Variants in CREB5 observed in about 807,000 individuals in gnomAD.
CREB5 encodes the protein cyclic AMP-responsive element-binding protein 5.
CREB5 carries 19 observed loss-of-function variants against 57.1 expected under a neutral mutation model. That is an observed-to-expected ratio of 0.33 (90% CI 0.23 to 0.49). CREB5 has a LOEUF of 0.49. CREB5 is among the 20% of genes least tolerant of loss of function. CREB5 has a pLI of 0.99. For missense variants in CREB5, 579 were observed against 671.6 expected, an observed-to-expected ratio of 0.86 and a Z score of 1.52; for synonymous variants, 238 against 238.3, an observed-to-expected ratio of 1.00 and a Z score of 0.01.
At chr7:28,580,216 G>T (rs1184639161) in intron 5 of CREB5, among the ~76,000 whole-genome samples, 1 of 152,104 alleles carries the variant, frequency 6.6e-6, no homozygotes, top group African/African-American at 2.4e-5. Flanking sequence ...AACATTGAAA[G>T]AATTAATTTA....
rs1305815715 is a variant in CREB5 at position 28,820,797 on chromosome 7, A to G, written c.*1518A>G. ...TTATTTTTACTTTTATTTTAAAATA[A>G]AAGATGAGGTCTGTCTTATGTTGCC... On this transcript the variant is annotated 3_prime_UTR_variant, in exon 11 of 11. Transcript: ENST00000357727. The G allele has an allele frequency of 6.6e-6, 1 of 152,118 alleles. No individual in the cohort carries two copies. The highest frequency in any genetic ancestry group is 1.5e-5 in the Non-Finnish European group (1 of 68,032). The allele number at this position is 152,118 out of a possible 1,614,324, so 9.4% of individuals were successfully genotyped here. A position where few individuals can be genotyped will look rare whatever the true frequency, so the allele number is the denominator to read the frequency against.
At chr7:28,713,106 G>C (rs1302696079) in intron 5 of CREB5, among the ~76,000 whole-genome samples, 1 of 152,116 alleles carries the variant, frequency 6.6e-6, no homozygotes, top group East Asian at 1.9e-4. Context: ...AGGCTGGAGT[G>C]CAGTGGCAAG....
chr7:28,490,649 C>T (rs998378154), intron 2 of CREB5, among the ~76,000 whole-genome samples: 3 of 152,184 alleles, frequency 2.0e-5, no homozygotes, highest in Admixed American at 6.5e-5. Context: ...TGTTGTACGA[C>T]GTTTAGCAGT....
intron 5 of CREB5, among the ~76,000 whole-genome samples, chr7:28,663,994 A>G (rs992237452): frequency 8.5e-5 from 13 of 152,208 alleles, no homozygotes; most frequent in African/African-American, 2.9e-4. Flanking sequence ...ATAACTGGAA[A>G]ACCATACAGA....
chr7:28,369,573 C>T (rs1786663039), intron 1 of CREB5, among the ~76,000 whole-genome samples: 1 of 152,212 alleles, frequency 6.6e-6, no homozygotes, highest in African/African-American at 2.4e-5. Context: ...GTGATTGACA[C>T]ATAGTAGGCA....
chr7:28,362,551 G>A (rs1380122413), intron 1 of CREB5, among the ~76,000 whole-genome samples: 3 of 152,138 alleles, frequency 2.0e-5, no homozygotes, highest in Non-Finnish European at 4.4e-5. Flanking sequence ...TCAAAGGCAC[G>A]AAAGACAATA....
intron 1 of CREB5, among the ~76,000 whole-genome samples, chr7:28,366,685 C>T (rs796614157): frequency 1.3e-5 from 2 of 152,274 alleles, no homozygotes; most frequent in African/African-American, 4.8e-5. Context: ...GTTAAGTTCT[C>T]CTCCAATTTT....
At chr7:28,326,702 G>C (rs1050902301) in intron 1 of CREB5, among the ~76,000 whole-genome samples, 1 of 152,162 alleles carries the variant, frequency 6.6e-6, no homozygotes, top group Admixed American at 6.5e-5. Flanking sequence ...TATTAAACTT[G>C]AAAGTTTGTT....
At chr7:28,451,450 CTGTG>C (rs6150047) in intron 1 of CREB5, among the ~76,000 whole-genome samples, 1,606 of 146,980 alleles carry the variant, frequency 0.011, 18 homozygotes, top group African/African-American at 0.027. Flanking sequence ...CTTTGCCAAA[CTGTG>C]TGTGTGTGTG....
At chr7:28,438,984 G>A (rs555629969) in intron 1 of CREB5, among the ~76,000 whole-genome samples, 1 of 152,266 alleles carries the variant, frequency 6.6e-6, no homozygotes, top group African/African-American at 2.4e-5. Context: ...ACTTCACTAT[G>A]TCCCATGATT....
chr7:28,654,109 G>C (rs1799243153), intron 5 of CREB5, among the ~76,000 whole-genome samples: 1 of 152,222 alleles, frequency 6.6e-6, no homozygotes, highest in South Asian at 2.1e-4. Flanking sequence ...AGATACACCA[G>C]ACCTCTAATG....
chr7:28,641,847 G>A (rs935642274), intron 5 of CREB5, among the ~76,000 whole-genome samples: 2 of 152,116 alleles, frequency 1.3e-5, no homozygotes, highest in South Asian at 4.1e-4. Context: ...CATCCCATTC[G>A]TTTTTATGGA....
At position 28,809,259 on chromosome 7, in the gene CREB5, C is replaced by A. The variant is rs1562656063; in HGVS notation, c.1099C>A (p.Arg367=). 1.2e-6 allele frequency: 2 copies of A among 1,614,154 alleles called. No homozygotes were observed. Among genetic ancestry groups the A allele is most frequent in the Non-Finnish European group, 1.7e-6 (2 of 1,180,036 alleles). Residue 367 remains arginine, a synonymous_variant, in exon 9 of 11, where the codon CGA becomes AGA. Transcript: ENST00000357727. ...QPPQPTGGRR[R]RVVDEDPDER... The stretch of plus-strand genomic sequence containing the variant: ...ACCCCAGCCCACAGGGGGGCGCCGG[C>A]GAAGGGTGGTAGACGAGGATCCGGA...
At chr7:28,760,630 A>T (rs1031025526) in intron 7 of CREB5, among the ~76,000 whole-genome samples, 5 of 151,998 alleles carry the variant, frequency 3.3e-5, no homozygotes, top group Admixed American at 6.5e-5. Flanking sequence ...TTTATGAAGA[A>T]ATATTTCCCT....
intron 1 of CREB5, among the ~76,000 whole-genome samples, chr7:28,453,591 C>T (rs1454383359): frequency 6.6e-6 from 1 of 152,206 alleles, no homozygotes; most frequent in Non-Finnish European, 1.5e-5. Flanking sequence ...GCCTAGCAGG[C>T]GTGTCTTGCT....
intron 1 of CREB5, among the ~76,000 whole-genome samples, chr7:28,439,039 C>A (rs148425596): frequency 4.5e-4 from 68 of 152,238 alleles, no homozygotes; most frequent in African/African-American, 1.6e-3. Context: ...CTCTGTTGTC[C>A]TTGACCACAG....
intron 1 of CREB5, among the ~76,000 whole-genome samples, chr7:28,312,067 A>G (rs1325917274): frequency 6.6e-6 from 1 of 152,062 alleles, no homozygotes; most frequent in African/African-American, 2.4e-5. Context: ...TGAGTTGGAA[A>G]TGATCTAATT....
chr7:28,815,342 T>C (rs550091831), intron 9 of CREB5, among the ~76,000 whole-genome samples: 15 of 152,328 alleles, frequency 9.8e-5, no homozygotes, highest in Non-Finnish European at 1.8e-4. Context: ...GTCAGTTGTC[T>C]CAATATTCTC....
rs113987483 is a variant in CREB5 at position 28,376,878 on chromosome 7, G to T, written c.-25+77437G>T. ...TGTATTTACATAACTAGGTTGGCAA[G>T]ATCTTCTTAGAAAAGGTTGGCTGGC... On this transcript the variant is annotated intron_variant, in intron 1 of 9. Transcript: ENST00000396299. 1.0e-3 allele frequency among the ~76,000 whole-genome samples: 158 copies of T among 152,328 alleles called. 3 individuals carry two copies. The highest frequency in any genetic ancestry group is 3.7e-3 in the African/African-American group (155 of 41,568).
Sources: gnomAD v4.1 joint callset for allele counts (sites outside exome capture counted in the v4.1 genomes callset) on GRCh38, gnomAD v4.1.1 for gene constraint, MANE v1.5 for transcripts, NCBI Gene and HGNC (gene_info 2026-07-23, HGNC 2026-07-21) for gene names.